TMEM132D: variants seen among roughly 807,000 people sequenced by gnomAD.
The protein encoded by TMEM132D is mature OL transmembrane protein.
In TMEM132D, 21 loss-of-function variants were observed where a neutral mutation model predicts 62.3. The observed-to-expected ratio is 0.34, with a 90% CI of 0.24 to 0.49. The LOEUF (loss-of-function observed/expected upper bound fraction) is 0.49. TMEM132D is among the 20% of genes least tolerant of loss of function. The pLI, the probability that TMEM132D is intolerant of heterozygous loss-of-function variation, is 0.99. For missense variants in TMEM132D, 1,346 were observed against 1,402.8 expected, an observed-to-expected ratio of 0.96 and a Z score of 0.65; for synonymous variants, 621 against 575.6, an observed-to-expected ratio of 1.08 and a Z score of -1.13.
At chr12:129,536,513 T>C (rs538963832) in intron 2 of TMEM132D, among the ~76,000 whole-genome samples, 115 of 152,318 alleles carry the variant, frequency 7.5e-4, no homozygotes, top group African/African-American at 2.6e-3. Flanking sequence ...AACGCTACTT[T>C]CCACTACATC....
intron 2 of TMEM132D, among the ~76,000 whole-genome samples, chr12:129,691,188 TAGAG>T (rs1881053303): frequency 1.3e-5 from 2 of 152,032 alleles, no homozygotes; most frequent in South Asian, 4.2e-4. Context: ...AAGCAGTGCT[TAGAG>T]AAATATTTAT....
intron 1 of TMEM132D, among the ~76,000 whole-genome samples, chr12:129,784,721 T>C (rs926891973): frequency 9.8e-5 from 15 of 152,332 alleles, no homozygotes; most frequent in Non-Finnish European, 1.3e-4. Flanking sequence ...CCTGGGTGAA[T>C]TGAAGATCCA....
At chr12:129,255,090 C>A (rs1372402057) in intron 4 of TMEM132D, among the ~76,000 whole-genome samples, 2 of 152,170 alleles carry the variant, frequency 1.3e-5, no homozygotes, top group Non-Finnish European at 2.9e-5. Flanking sequence ...GCTCTCTCTT[C>A]CTCCTGCTCC....
intron 2 of TMEM132D, among the ~76,000 whole-genome samples, chr12:129,596,908 G>A (rs1331538196): frequency 2.0e-5 from 3 of 152,086 alleles, no homozygotes; most frequent in Non-Finnish European, 4.4e-5. Context: ...CTAGTCCAAG[G>A]CAGATGGGAA....
chr12:129,880,031 A>T (rs967693441), intron 1 of TMEM132D, among the ~76,000 whole-genome samples: 1 of 152,148 alleles, frequency 6.6e-6, no homozygotes, highest in African/African-American at 2.4e-5. Flanking sequence ...AGAGAATCCC[A>T]AGCAGGATAA....
intron 1 of TMEM132D, among the ~76,000 whole-genome samples, chr12:129,743,128 T>C (rs953472945): frequency 2.6e-5 from 4 of 152,240 alleles, no homozygotes; most frequent in Admixed American, 2.6e-4. Context: ...TTCAGAAATC[T>C]GCTCTCTACA....
intron 1 of TMEM132D, among the ~76,000 whole-genome samples, chr12:129,895,125 C>A (rs1023194533): frequency 6.6e-6 from 1 of 152,172 alleles, no homozygotes; most frequent in Non-Finnish European, 1.5e-5. Context: ...AAGGTTCATA[C>A]CACACCATCT....
chr12:129,126,899 C>T (rs986300772), intron 5 of TMEM132D, among the ~76,000 whole-genome samples: 6 of 152,228 alleles, frequency 3.9e-5, no homozygotes, highest in Admixed American at 1.3e-4. Context: ...GACACTGGCA[C>T]GCTGAGATGC....
chr12:129,742,925 C>T (rs1176426736), intron 1 of TMEM132D, among the ~76,000 whole-genome samples: 1 of 152,192 alleles, frequency 6.6e-6, no homozygotes, highest in Non-Finnish European at 1.5e-5. Flanking sequence ...GGAAGCCAGA[C>T]CAAGTAATCT....
intron 3 of TMEM132D, among the ~76,000 whole-genome samples, chr12:129,417,226 G>A (rs952767278): frequency 6.6e-6 from 1 of 151,984 alleles, no homozygotes; most frequent in Admixed American, 6.6e-5. Context: ...AATTTCAGAA[G>A]AGCCCCTATA....
intron 5 of TMEM132D, among the ~76,000 whole-genome samples, chr12:129,142,235 T>C (rs557550901): frequency 6.6e-6 from 1 of 152,306 alleles, no homozygotes; most frequent in Admixed American, 6.5e-5. Context: ...TGCAGCGAAC[T>C]TTCTGCCCCT....
intron 2 of TMEM132D, among the ~76,000 whole-genome samples, chr12:129,687,105 G>GC (rs1160596052): frequency 6.6e-6 from 1 of 152,148 alleles, no homozygotes; most frequent in East Asian, 1.9e-4. Context: ...GTCTGTATCA[G>GC]CCTGCAGAGT....
At chr12:129,595,594 T>C (rs1322825504) in intron 2 of TMEM132D, among the ~76,000 whole-genome samples, 2 of 152,246 alleles carry the variant, frequency 1.3e-5, no homozygotes, top group East Asian at 3.8e-4. Flanking sequence ...GTCAACAGAA[T>C]AAAACAGGCA....
In TMEM132D at chr12:129,389,265, CTA is replaced by C. The variant is rs555021725; in HGVS notation, c.1116-51450_1116-51449del. 2.9e-4 allele frequency among the ~76,000 whole-genome samples: 44 copies of C among 152,150 alleles called. 1 individual carries two copies. In the South Asian group the frequency reaches 8.7e-3, roughly 30 times the overall value. ...ACTAATACTAACACCAACACTGACA[CTA>C]TATTAATACAAACCTTAAGGCTAAT... On this transcript the variant is annotated intron_variant, in intron 3 of 8. Coordinates refer to ENST00000422113, the MANE Select transcript of TMEM132D (RefSeq NM_133448.3).
intron 4 of TMEM132D, among the ~76,000 whole-genome samples, chr12:129,243,691 T>C (rs1430000372): frequency 1.3e-5 from 2 of 152,224 alleles, no homozygotes; most frequent in Non-Finnish European, 2.9e-5. Context: ...CAAGATTTGA[T>C]TTCAATTCTT....
intron 2 of TMEM132D, among the ~76,000 whole-genome samples, chr12:129,639,383 A>T (rs949540481): frequency 0.026 from 315 of 12,316 alleles, 1 homozygote; most frequent in Middle Eastern, 0.083. Flanking sequence ...ACTCTGTCTT[A>T]AAAAAAAAAA....
chr12:129,267,471 T>C (rs892848957), intron 4 of TMEM132D, among the ~76,000 whole-genome samples: 4 of 152,092 alleles, frequency 2.6e-5, no homozygotes, highest in Non-Finnish European at 4.4e-5. Context: ...GGAATCCAAC[T>C]TACAAGGGAT....
intron 1 of TMEM132D, among the ~76,000 whole-genome samples, chr12:129,777,513 G>A (rs771664206): frequency 1.3e-5 from 2 of 152,102 alleles, no homozygotes; most frequent in Non-Finnish European, 2.9e-5. Context: ...GGCTCCTAGC[G>A]TCCAAGCAGC....
chr12:129,810,836 C>G (rs937641627), intron 1 of TMEM132D, among the ~76,000 whole-genome samples: 6 of 152,080 alleles, frequency 3.9e-5, no homozygotes, highest in Admixed American at 3.3e-4. Flanking sequence ...CAAAATTATT[C>G]CTAACTAAAA....
Sources: allele counts gnomAD v4.1 joint callset (sites outside exome capture counted in the v4.1 genomes callset), GRCh38; gene constraint gnomAD v4.1.1; transcripts MANE v1.5; gene names NCBI Gene and HGNC (gene_info 2026-07-23, HGNC 2026-07-21).